GRIN2D: variants seen among roughly 807,000 people sequenced by gnomAD.
The protein encoded by GRIN2D is glutamate receptor ionotropic, NMDA 2D.
In GRIN2D, 37 loss-of-function variants were observed where a neutral mutation model predicts 103.2. The ratio of observed to expected loss-of-function variants is 0.36; its 90% CI spans 0.28 to 0.47. GRIN2D has a LOEUF of 0.47. Among genes scored for constraint, GRIN2D ranks in the 20% least tolerant of loss-of-function variants. The probability of loss-of-function intolerance (pLI) is 1.00; values close to 1 mark genes in which losing one functional copy is unlikely to be tolerated. For synonymous variants in GRIN2D, 845 were observed against 885.6 expected (o/e 0.95, Z 0.81); for missense variants, 1,557 against 1,910.6 (o/e 0.81, Z 3.45).
At chr19:48,437,629 C>T (rs1010872283) in intron 11 of GRIN2D, among the ~76,000 whole-genome samples, 10 of 152,170 alleles carry the variant, frequency 6.6e-5, no homozygotes, top group African/African-American at 2.4e-4. Context: ...CCTTCCACTC[C>T]CGCTTGTCCT....
intron 3 of GRIN2D, 40 bp downstream of exon 3, chr19:48,398,897 G>C: frequency 1.5e-6 from 2 of 1,301,346 alleles, no homozygotes; most frequent in Non-Finnish European, 2.0e-6. Context: ...CAGGAGGGGC[G>C]GGGACAGCCG....
chr19:48,404,560 T>G (rs1372815007), intron 3 of GRIN2D, among the ~76,000 whole-genome samples, 174 bp from the exon 4 acceptor site: 6 of 152,166 alleles, frequency 3.9e-5, no homozygotes, highest in African/African-American at 1.2e-4. Flanking sequence ...GAATAACTCA[T>G]CACGTGGCTA....
In GRIN2D at chr19:48,398,819, G is replaced by A; in HGVS notation, c.427G>A (p.Ala143Thr). The A allele has an allele frequency of 7.0e-7, 1 of 1,422,628 alleles. No homozygotes were observed. The highest frequency in any genetic ancestry group is 9.2e-7 in the Non-Finnish European group (1 of 1,091,058). 88.1% of individuals were successfully genotyped at this position (1,422,628 alleles called of 1,614,324 possible). A position where few individuals can be genotyped will look rare whatever the true frequency, so the allele number is the denominator to read the frequency against. ...LSAQTSLPIV[A>T]VHGGAALVLT... ...GGCGCAGACCTCGCTGCCCATCGTG[G>A]CCGTGCACGGCGGCGCCGCGCTCGT... Residue 143 changes from alanine to threonine, a missense_variant, in exon 3 of 14, where the codon GCC (alanine) becomes ACC (threonine). Ala to Thr is a moderately conservative substitution (Grantham distance 58). Around this residue, in one of 7 missense-constraint regions of GRIN2D, gnomAD observed 490 missense variants for 601.1 expected, o/e 0.82. Coordinates refer to ENST00000263269, the MANE Select transcript of GRIN2D (RefSeq NM_000836.4).
At chr19:48,429,697 C>G (rs1028265058) in intron 11 of GRIN2D, among the ~76,000 whole-genome samples, 5 of 150,330 alleles carry the variant, frequency 3.3e-5, no homozygotes, top group Admixed American at 2.7e-4. Context: ...CCGGGCCCGG[C>G]CTAATTTTAA....
At position 48,442,919 on chromosome 19, in the gene GRIN2D, A is replaced by G; in HGVS notation, c.2993A>G (p.Gln998Arg). The change falls in exon 14 of 14, where the codon CAG (glutamine) becomes CGG (arginine). Residue 998 changes from glutamine to arginine, a missense_variant. Gln to Arg is a conservative substitution (Grantham distance 43). This residue lies in a region of GRIN2D where 632 missense variants were observed against 572.8 expected (regional missense o/e 1.10). Transcript: ENST00000263269. The surrounding 1 kb of genome is among the most constrained non-coding windows in gnomAD (Gnocchi z 7.2). The stretch of plus-strand genomic sequence containing the variant: ...CGCCCGCTGTCCCCGCCGGCCGCTC[A>G]GCCCCCGCAGAAGCCGCCGCCCTCC... Reference protein sequence around the residue: ...AGRPLSPPAAQPPQKPPPSYF... With the variant: ...AGRPLSPPAARPPQKPPPSYF... 9.0e-7 allele frequency: 1 copy of G among 1,107,162 alleles called. No individual in the cohort carries two copies. Among genetic ancestry groups the G allele is most frequent in the Non-Finnish European group, 1.1e-6 (1 of 907,812 alleles). The allele number at this position is 1,107,162 out of a possible 1,614,324, so 68.6% of individuals were successfully genotyped here.
At chr19:48,406,970 T>C (rs917773460) in intron 4 of GRIN2D, among the ~76,000 whole-genome samples, 2 of 149,550 alleles carry the variant, frequency 1.3e-5, no homozygotes, top group African/African-American at 5.0e-5. Context: ...TTTTCTTTCT[T>C]TCTTTTTCCT....
rs1157502738 is a variant in GRIN2D at position 48,442,170 on chromosome 19, C to T, written c.2461C>T (p.Arg821Trp). The change falls in exon 13 of 14, where the codon CGG becomes TGG. Residue 821 changes from arginine (R) to tryptophan (W), a missense_variant. Around this residue, in one of 7 missense-constraint regions of GRIN2D, gnomAD observed 138 missense variants for 270.2 expected, o/e 0.51. Coordinates refer to ENST00000263269, the MANE Select transcript of GRIN2D (RefSeq NM_000836.4). This position sits in a 1 kb window ranked among gnomAD's most constrained non-coding sequence, Gnocchi z 7.2. ...LGDDEIEMLE[R>W]LWLSGICHND... ...CCTAGATGAGATCGAGATGCTGGAG[C>T]GGCTGTGGCTCTCTGGGATCTGCCA... 9 of 1,614,102 alleles carry T rather than the reference C, an allele frequency of 5.6e-6. No individual in the cohort carries two copies. Among genetic ancestry groups the T allele is most frequent in the Non-Finnish European group, 7.6e-6 (9 of 1,179,978 alleles).
At chr19:48,439,320 TC>T (rs1185265914) in intron 11 of GRIN2D, among the ~76,000 whole-genome samples, 3 of 152,038 alleles carry the variant, frequency 2.0e-5, no homozygotes. Context: ...AGCATTTATC[TC>T]ATACCACAGA....
intron 11 of GRIN2D, among the ~76,000 whole-genome samples, chr19:48,438,287 C>CTTTTTTTTTTTTTTTTTTTTTTTTTTTT (rs71181697): frequency 1.7e-5 from 1 of 57,726 alleles, no homozygotes; most frequent in African/African-American, 7.6e-5. Flanking sequence ...ATCCAGCCGC[C>CTTTTTTTTTTTTTTTTTTTTTTTTTTTT]TTTTTTTTTT....
chr19:48,414,413 C>A lies in GRIN2D; in HGVS notation c.1241C>A (p.Pro414Gln), dbSNP rs778711855. ...WEQQTLRLKY[P>Q]LWSRYGRFLQ... ...CAGCAGACGCTCCGCCTCAAGTACC[C>A]GCTGTGGTCCCGCTATGGTCGCTTC... is the stretch of plus-strand genomic sequence containing the variant. The change falls in exon 6 of 14, where the codon CCG (proline) becomes CAG (glutamine). Residue 414 changes from proline (P) to glutamine (Q), a missense_variant. Pro to Gln is a moderately conservative substitution (Grantham distance 76). This residue lies in a region of GRIN2D where 490 missense variants were observed against 601.1 expected (regional missense o/e 0.82). Coordinates refer to ENST00000263269, the MANE Select transcript of GRIN2D (RefSeq NM_000836.4). The surrounding 1 kb of genome is among the most constrained non-coding windows in gnomAD (Gnocchi z 4.6). 6.2e-7 allele frequency: 1 copy of A among 1,610,086 alleles called. No homozygotes were observed. Among genetic ancestry groups the A allele is most frequent in the South Asian group, 1.1e-5 (1 of 90,186 alleles).
chr19:48,440,117 A>G (rs143157316), intron 11 of GRIN2D, among the ~76,000 whole-genome samples: 5,104 of 152,284 alleles, frequency 0.034, 136 homozygotes, highest in Non-Finnish European at 0.052. Context: ...TGGCTGAGGC[A>G]GGAGAATCCC....
chr19:48,418,309 A>G (rs1471045827), intron 8 of GRIN2D, among the ~76,000 whole-genome samples: 5 of 152,190 alleles, frequency 3.3e-5, no homozygotes, highest in African/African-American at 9.6e-5. Flanking sequence ...CTGGGATTAC[A>G]GGCGTGAACC....
Position 48,414,176 on chromosome 19 carries a change from T to C in GRIN2D, c.1200+71T>C. 3 of 1,035,568 alleles carry C rather than the reference T, an allele frequency of 2.9e-6. No homozygotes were observed. Among genetic ancestry groups the C allele is most frequent in the Non-Finnish European group, 4.5e-6 (3 of 667,986 alleles). The allele number at this position is 1,035,568 out of a possible 1,614,324, so 64.1% of individuals were successfully genotyped here. A position where few individuals can be genotyped will look rare whatever the true frequency, so the allele number is the denominator to read the frequency against. On this transcript the variant is annotated intron_variant, in intron 5 of 13. Transcript: ENST00000263269. The surrounding 1 kb of genome is among the most constrained non-coding windows in gnomAD (Gnocchi z 4.6). ...CCTGCATCCTGGCAGAGGGGGGGCT[T>C]GAGGTCGTGGACTAAGAGGGAGGAG...
rs1970919495 is a variant in GRIN2D at position 48,414,660 on chromosome 19, C to G, written c.1412+76C>G. ...AGCCCAGTAGTCTGGGCCCCCAGCC[C>G]CCTCCTCCCTTGGGACCCAGGACCC... On this transcript the variant is annotated intron_variant, in intron 6 of 13. Transcript: ENST00000263269. This position sits in a 1 kb window ranked among gnomAD's most constrained non-coding sequence, Gnocchi z 4.6. The G allele has an allele frequency of 6.4e-6, 9 of 1,398,346 alleles. No individual in the cohort carries two copies. The South Asian group carries it at 1.0e-4, about 16-fold the overall frequency. 86.6% of individuals were successfully genotyped at this position (1,398,346 alleles called of 1,614,324 possible).
rs73570272 is a variant in GRIN2D at position 48,414,794 on chromosome 19, A to G, written c.1413-70A>G. ...TTAGCTGCCGCCTATCCCTTCCTCC[A>G]TATCCTCTCTTCATGAGAGAGTCTA... On this transcript the variant is annotated intron_variant, in intron 6 of 13. Coordinates refer to ENST00000263269, the MANE Select transcript of GRIN2D (RefSeq NM_000836.4). The surrounding 1 kb of genome is among the most constrained non-coding windows in gnomAD (Gnocchi z 4.6). 5.5e-3 allele frequency: 8,344 copies of G among 1,504,086 alleles called. 376 individuals are homozygous for G. The African/African-American group carries it at 0.097, about 18-fold the overall frequency. The allele number at this position is 1,504,086 out of a possible 1,614,324, so 93.2% of individuals were successfully genotyped here.
At chr19:48,412,469 GAAA>G (rs1970881682) in intron 4 of GRIN2D, among the ~76,000 whole-genome samples, 1 of 149,948 alleles carries the variant, frequency 6.7e-6, no homozygotes, top group Non-Finnish European at 1.5e-5. Context: ...AAGAAAGAAA[GAAA>G]GAAAGAAAGA....
rs760900557 is a variant in GRIN2D, at chr19:48,419,658, G to A, written c.1935G>A (p.Val645=). ...GGGCCCTGGTGTTCAATAATTCGGT[G>A]CCCGTGGAGAACCCCCGGGGAACCA... ...LLWALVFNNS[V]PVENPRGTTS... Residue 645 remains valine, a synonymous_variant, in exon 10 of 14, where the codon GTG becomes GTA. Coordinates refer to ENST00000263269, the MANE Select transcript of GRIN2D (RefSeq NM_000836.4). 4 of 1,613,520 alleles carry A rather than the reference G, an allele frequency of 2.5e-6. No individual in the cohort carries two copies. Among genetic ancestry groups the A allele is most frequent in the African/African-American group, 2.7e-5 (2 of 74,754 alleles).
Position 48,402,166 on chromosome 19 carries a change from A to AAG in GRIN2D, c.466-2562_466-2561dup, listed in dbSNP as rs531796512. Among the ~76,000 whole-genome samples the AAG allele has an allele frequency of 1.1e-4, 9 of 80,032 alleles. 1 individual carries two copies. The highest frequency in any genetic ancestry group is 3.6e-4 in the African/African-American group (8 of 22,258). The allele number at this position is 80,032 out of a possible 152,430, so 52.5% of individuals were successfully genotyped here. On this transcript the variant is annotated intron_variant, in intron 3 of 13. Coordinates refer to ENST00000263269, the MANE Select transcript of GRIN2D (RefSeq NM_000836.4). ...AAAGAAAGAAAGAAAGAAAGAAAGA[A>AAG]AGAGAGAAAAGAAAACAGAGATGGG... is the stretch of plus-strand genomic sequence containing the variant.
In GRIN2D at chr19:48,405,432, C is replaced by T; in HGVS notation, c.1085+79C>T. 7.4e-7 allele frequency: 1 copy of T among 1,346,990 alleles called. No individual in the cohort carries two copies. Among genetic ancestry groups the T allele is most frequent in the Non-Finnish European group, 9.8e-7 (1 of 1,016,250 alleles). The allele number at this position is 1,346,990 out of a possible 1,614,324, so 83.4% of individuals were successfully genotyped here. A position where few individuals can be genotyped will look rare whatever the true frequency, so the allele number is the denominator to read the frequency against. On this transcript the variant is annotated intron_variant, in intron 4 of 13. Transcript: ENST00000263269. The surrounding 1 kb of genome is among the most constrained non-coding windows in gnomAD (Gnocchi z 5.1). ...CTCAGTATTCACTGAATGAGTGGCT[C>T]AAATGGGCCACATCTGCTCTTTGAG... is the stretch of plus-strand genomic sequence containing the variant.
Sources: gnomAD v4.1 joint callset for allele counts (sites outside exome capture counted in the v4.1 genomes callset) on GRCh38, gnomAD v4.1.1 for gene constraint, gnomAD v4.1.1 regional missense constraint, Gnocchi (gnomAD v3.1) non-coding constraint, MANE v1.5 for transcripts, NCBI Gene and HGNC (gene_info 2026-07-23, HGNC 2026-07-21) for gene names.